Variants in MED13 observed in about 807,000 individuals in gnomAD.
MED13 encodes mediator complex subunit 13.
Under a neutral mutation model 225.2 loss-of-function variants are expected in MED13, and 23 were observed. The observed-to-expected ratio is 0.10, with a 90% CI of 0.07 to 0.14. The LOEUF (loss-of-function observed/expected upper bound fraction) is 0.14, where lower values mean the gene tolerates loss of function less well. Ranked by LOEUF, MED13 falls within the 10% of genes least tolerant of loss-of-function variation. MED13 has a pLI of 1.00. For missense variants in MED13, 2,197 were observed against 2,594.5 expected (o/e 0.85, Z 3.33); for synonymous variants, 942 against 889.2 (o/e 1.06, Z -1.06).
chr17:62,049,358 G>C (rs2143747539), intron 3 of MED13, among the ~76,000 whole-genome samples: 1 of 152,310 alleles, frequency 6.6e-6, no homozygotes, highest in African/African-American at 2.4e-5. Flanking sequence ...CAGATCAGGA[G>C]TCAGCAAACT....
At chr17:62,048,596 G>A (rs2080924746) in intron 3 of MED13, among the ~76,000 whole-genome samples, 1 of 152,070 alleles carries the variant, frequency 6.6e-6, no homozygotes, top group Admixed American at 6.6e-5. Flanking sequence ...AAGATTAAGT[G>A]AAAATTTAAC....
rs1567979851 is a variant in MED13, at chr17:62,015,944, A to ATTTATATT, written c.1284-4712_1284-4711insAATATAAA. 2.4e-4 allele frequency among the ~76,000 whole-genome samples: 3 copies of ATTTATATT among 12,714 alleles called. 1 individual carries two copies. In the East Asian group the frequency reaches 0.016, roughly 66 times the overall value. The allele number at this position is 12,714 out of a possible 152,430, so 8.3% of individuals were successfully genotyped here. On this transcript the variant is annotated intron_variant, in intron 8 of 29. Coordinates refer to ENST00000397786, the MANE Select transcript of MED13 (RefSeq NM_005121.3). ...TATATATATATATATATATATATAT[A>ATTTATATT]TATATATATATTTTTTTTTTTTTTT... is the stretch of plus-strand genomic sequence containing the variant.
chr17:62,010,296 T>C (rs887165973), intron 9 of MED13: 6 of 328,046 alleles, frequency 1.8e-5, no homozygotes, highest in African/African-American at 1.1e-4. Flanking sequence ...GAATTCTAAC[T>C]GTATGTAAAA....
At chr17:62,013,964 A>G in intron 8 of MED13, among the ~76,000 whole-genome samples, 1 of 152,070 alleles carries the variant, frequency 6.6e-6, no homozygotes. Flanking sequence ...GCTTCAACCC[A>G]GGAGGTGGAG....
Position 62,029,887 on chromosome 17 carries a change from A to C in MED13, c.1136T>G (p.Val379Gly), listed in dbSNP as rs778721726. ...TCTGTTCATATTGCATTCTTGCCAA[A>C]CTCTATCCACCACATGATTTGCTAA... is the stretch of plus-strand genomic sequence containing the variant. Reference protein sequence around the residue: ...RKLANHVVDRVWQECNMNRAQ... With the variant: ...RKLANHVVDRGWQECNMNRAQ... Residue 379 changes from valine to glycine, a missense_variant, in exon 7 of 30, where the codon GTT becomes GGT. This residue lies in a region of MED13 where 884 missense variants were observed against 918.5 expected (regional missense o/e 0.96). Coordinates refer to ENST00000397786, the MANE Select transcript of MED13 (RefSeq NM_005121.3). The C allele has an allele frequency of 9.3e-6, 15 of 1,613,158 alleles. No homozygotes were observed. The highest frequency in any genetic ancestry group is 1.3e-5 in the Non-Finnish European group (15 of 1,179,774).
In MED13 at chr17:61,943,894, A is replaced by T. The variant is rs1202545286; in HGVS notation, c.*2574T>A. The T allele has an allele frequency of 6.6e-6, 1 of 152,600 alleles. No homozygotes were observed. The highest frequency in any genetic ancestry group is 1.5e-5 in the Non-Finnish European group (1 of 68,020). 9.5% of individuals were successfully genotyped at this position (152,600 alleles called of 1,614,324 possible). A position where few individuals can be genotyped will look rare whatever the true frequency, so the allele number is the denominator to read the frequency against. The stretch of plus-strand genomic sequence containing the variant: ...TAACAAAGAAGTCAAGGTGTTGGTA[A>T]TCCACTGCTATAAAGTATAATATTT... On this transcript the variant is annotated 3_prime_UTR_variant, in exon 30 of 30. Transcript: ENST00000397786.
At chr17:61,981,799 A>G (rs1472526564) in intron 16 of MED13, among the ~76,000 whole-genome samples, 1 of 152,156 alleles carries the variant, frequency 6.6e-6, no homozygotes, top group African/African-American at 2.4e-5. Flanking sequence ...TTCTCCACTA[A>G]ATTATAGATT....
intron 9 of MED13, chr17:62,004,923 G>C (rs1436565480): frequency 6.9e-6 from 1 of 143,954 alleles, no homozygotes; most frequent in Non-Finnish European, 1.5e-5. Context: ...TTTTTGAGAC[G>C]GAGTCTCGCT....
chr17:62,011,707 A>G (rs1333592285), intron 8 of MED13, among the ~76,000 whole-genome samples: 1 of 152,164 alleles, frequency 6.6e-6, no homozygotes, highest in Non-Finnish European at 1.5e-5. Flanking sequence ...TACTCTACTA[A>G]ATAGAAGTTA....
At chr17:62,040,776 A>G (rs866398535) in intron 3 of MED13, among the ~76,000 whole-genome samples, 4 of 152,356 alleles carry the variant, frequency 2.6e-5, no homozygotes, top group Middle Eastern at 6.8e-3. Flanking sequence ...CGATAAACAC[A>G]TAACATGCTC....
At chr17:61,957,214 T>C (rs886423136) in intron 23 of MED13, among the ~76,000 whole-genome samples, 1 of 151,536 alleles carries the variant, frequency 6.6e-6, no homozygotes, top group African/African-American at 2.4e-5. Context: ...GTCTAGCTAA[T>C]TTTTGTATTT....
At chr17:61,990,269 T>C (rs1255583553) in intron 11 of MED13, among the ~76,000 whole-genome samples, 1 of 152,156 alleles carries the variant, frequency 6.6e-6, no homozygotes, top group Non-Finnish European at 1.5e-5. Flanking sequence ...CAGCTTGATC[T>C]ACCCATTCCA....
intron 6 of MED13, chr17:62,030,782 C>G (rs1567989429): frequency 6.6e-6 from 1 of 152,212 alleles, no homozygotes; most frequent in African/African-American, 2.4e-5. Context: ...TAAACTGTTG[C>G]ATGAATCGAT....
At position 61,943,093 on chromosome 17, in the gene MED13, C is replaced by T. The variant is rs1172628421; in HGVS notation, c.*3375G>A. The stretch of plus-strand genomic sequence containing the variant: ...AACCACAGTTCTGGGCCCATTAAAA[C>T]ACCAAAAAAGACCCCCCAAAAAGTT... On this transcript the variant is annotated 3_prime_UTR_variant, in exon 30 of 30. Transcript: ENST00000397786. 6.6e-6 allele frequency: 1 copy of T among 152,312 alleles called. No individual in the cohort carries two copies. The highest frequency in any genetic ancestry group is 1.5e-5 in the Non-Finnish European group (1 of 67,918). 9.4% of individuals were successfully genotyped at this position (152,312 alleles called of 1,614,324 possible).
At chr17:61,978,244 CTTTTT>C (rs1465489993) in intron 16 of MED13, among the ~76,000 whole-genome samples, 3 of 150,938 alleles carry the variant, frequency 2.0e-5, no homozygotes, top group Non-Finnish European at 4.4e-5. Flanking sequence ...TCCAAAACTG[CTTTTT>C]ATTTTTTTTA....
chr17:61,947,096 ATATCT>A (rs1448381532), intron 28 of MED13, 79 bp from the exon 29 acceptor site: 2 of 937,832 alleles, frequency 2.1e-6, no homozygotes, highest in Non-Finnish European at 3.4e-6. Context: ...TTCTCCCAAT[ATATCT>A]TATAAAATGA....
In MED13 at chr17:61,987,108, G is replaced by A; in HGVS notation, c.2284C>T (p.His762Tyr). Residue 762 changes from histidine to tyrosine, a missense_variant, in exon 12 of 30, where the codon CAT (histidine) becomes TAT (tyrosine). His to Tyr is a moderately conservative substitution (Grantham distance 83). This residue lies in a region of MED13 where 884 missense variants were observed against 918.5 expected (regional missense o/e 0.96). Transcript: ENST00000397786. The stretch of plus-strand genomic sequence containing the variant: ...AAACTTGTTGATGGAGGACGGGCAT[G>A]ACTAGTAGGGCGTGGAGCATCTACA... Reference protein sequence around the residue: ...IKQDAPRPTSHARPPSTSLIY... With the variant: ...IKQDAPRPTSYARPPSTSLIY... 6.2e-7 allele frequency: 1 copy of A among 1,607,492 alleles called. No individual in the cohort carries two copies.
At position 62,008,304 on chromosome 17, in the gene MED13, C is replaced by T. The variant is rs192446291; in HGVS notation, c.1967+2246G>A. 7.7e-4 allele frequency among the ~76,000 whole-genome samples: 75 copies of T among 97,264 alleles called. 1 individual carries two copies. In the East Asian group the frequency reaches 9.6e-3, roughly 12 times the overall value. 63.8% of individuals were successfully genotyped at this position (97,264 alleles called of 152,430 possible). ...CTGTACTCCAGCCTGGGCCACAGAG[C>T]GAGGCTCTGTCTCAAAAAAAAAAAA... On this transcript the variant is annotated intron_variant, in intron 9 of 29. Coordinates refer to ENST00000397786, the MANE Select transcript of MED13 (RefSeq NM_005121.3).
Position 62,010,945 on chromosome 17 carries a change from G to T in MED13, c.1572C>A (p.Gly524=), listed in dbSNP as rs1316477574. Residue 524 remains glycine, a synonymous_variant, in exon 9 of 30, where the codon GGC becomes GGA. Transcript: ENST00000397786. Reference sequence around the variant, plus strand: ...GTTGAGGTGAATTTGCCATTTCGGTGCCATGCATCTGAGGAGTCTTTGCTA... The same window carrying T: ...GTTGAGGTGAATTTGCCATTTCGGTTCCATGCATCTGAGGAGTCTTTGCTA... ...NDVAKTPQMH[G]TEMANSPQPP... The T allele has an allele frequency of 4.3e-6, 7 of 1,612,642 alleles. No individual in the cohort carries two copies. Among genetic ancestry groups the T allele is most frequent in the Non-Finnish European group, 5.9e-6 (7 of 1,178,728 alleles).
Sources: gnomAD v4.1 joint callset for allele counts (sites outside exome capture counted in the v4.1 genomes callset) on GRCh38, gnomAD v4.1.1 for gene constraint, gnomAD v4.1.1 regional missense constraint, MANE v1.5 for transcripts, NCBI Gene and HGNC (gene_info 2026-07-23, HGNC 2026-07-21) for gene names.